The following CNTN4 variants were observed in gnomAD, a reference collection of about 807,000 sequenced individuals.
CNTN4 encodes the protein contactin 4.
Under a neutral mutation model 122.5 loss-of-function variants are expected in CNTN4, and 77 were observed. The ratio of observed to expected loss-of-function variants is 0.63; its 90% confidence interval spans 0.52 to 0.76. CNTN4 has a LOEUF of 0.76. Ranked by LOEUF, CNTN4 falls within the 30% of genes least tolerant of loss-of-function variation. The pLI is 0.00. For missense variants in CNTN4, 1,256 were observed against 1,259.1 expected (o/e 1.00, Z 0.04); for synonymous variants, 512 against 447.0 (o/e 1.15, Z -1.83).
intron 3 of CNTN4, among the ~76,000 whole-genome samples, chr3:2,457,795 C>T (rs779102970): frequency 1.3e-5 from 2 of 152,080 alleles, no homozygotes; most frequent in Non-Finnish European, 2.9e-5. Flanking sequence ...ATGTTTTAGC[C>T]CAATGCCCTT....
At chr3:2,201,950 C>T (rs1380149820) in intron 2 of CNTN4, among the ~76,000 whole-genome samples, 2 of 152,126 alleles carry the variant, frequency 1.3e-5, no homozygotes, top group South Asian at 2.1e-4. Flanking sequence ...AACTCGTCTA[C>T]ACTTCCCACA....
intron 2 of CNTN4, among the ~76,000 whole-genome samples, chr3:2,125,267 C>A (rs995030360): frequency 6.6e-6 from 1 of 151,456 alleles, no homozygotes; most frequent in Admixed American, 6.6e-5. Context: ...CTTCCAGGTA[C>A]ATGTATGTTG....
intron 14 of CNTN4, among the ~76,000 whole-genome samples, chr3:2,994,613 A>ATATATATATATATATATG (rs370506181): frequency 1.3e-4 from 19 of 142,216 alleles, no homozygotes; most frequent in Middle Eastern, 3.5e-3. Flanking sequence ...ATATATATAT[A>ATATATATATATATATATG]TGTGTGTATA....
At chr3:2,802,013 C>T (rs1277098916) in intron 6 of CNTN4, among the ~76,000 whole-genome samples, 1 of 152,316 alleles carries the variant, frequency 6.6e-6, no homozygotes, top group African/African-American at 2.4e-5. Flanking sequence ...CATTATTGGT[C>T]TAGTTGCTGC....
At chr3:2,280,469 CA>C (rs2041675544) in intron 2 of CNTN4, among the ~76,000 whole-genome samples, 1 of 152,082 alleles carries the variant, frequency 6.6e-6, no homozygotes. Context: ...TCTGAGGATA[CA>C]AATGAAGAGT....
intron 4 of CNTN4, among the ~76,000 whole-genome samples, chr3:2,705,140 A>G (rs1163837676): frequency 6.6e-6 from 1 of 151,390 alleles, no homozygotes; most frequent in Non-Finnish European, 1.5e-5. Context: ...AGGCCGAGGC[A>G]GGCGGATCAC....
At chr3:2,343,920 A>C (rs903939104) in intron 3 of CNTN4, among the ~76,000 whole-genome samples, 2 of 152,180 alleles carry the variant, frequency 1.3e-5, no homozygotes, top group Non-Finnish European at 2.9e-5. Flanking sequence ...ACTTACAATT[A>C]TGACAGAGGG....
chr3:2,764,104 A>G (rs1404337272), intron 6 of CNTN4, among the ~76,000 whole-genome samples: 1 of 152,134 alleles, frequency 6.6e-6, no homozygotes, highest in Non-Finnish European at 1.5e-5. Flanking sequence ...ATCCATTCAG[A>G]TATTTTTCTG....
At chr3:3,028,452 G>C (rs987812637) in intron 15 of CNTN4, among the ~76,000 whole-genome samples, 4 of 152,050 alleles carry the variant, frequency 2.6e-5, no homozygotes, top group Admixed American at 2.0e-4. Context: ...CACAAATCCA[G>C]TCAAAATGTG....
intron 3 of CNTN4, among the ~76,000 whole-genome samples, chr3:2,387,027 T>C (rs1379098154): frequency 1.3e-5 from 2 of 152,190 alleles, no homozygotes; most frequent in Admixed American, 1.3e-4. Flanking sequence ...AGTTAGAGTT[T>C]TGAACTTGCT....
In CNTN4 at chr3:2,434,327, T is replaced by C. The variant is rs182215174; in HGVS notation, c.-89+95094T>C. ...TTAAAAGAATTGAACAAATAAAATGTAAAAATATATCTGTTTAAAAACAAA... is the reference window on the plus strand; with the variant it reads ...TTAAAAGAATTGAACAAATAAAATGCAAAAATATATCTGTTTAAAAACAAA... On this transcript the variant is annotated intron_variant, in intron 3 of 24. Transcript: ENST00000418658. 1.2e-4 allele frequency among the ~76,000 whole-genome samples: 18 copies of C among 152,164 alleles called. No individual in the cohort carries two copies. The East Asian group carries it at 3.1e-3, about 26-fold the overall frequency.
At chr3:2,843,297 A>C (rs992943331) in intron 7 of CNTN4, among the ~76,000 whole-genome samples, 2 of 151,944 alleles carry the variant, frequency 1.3e-5, no homozygotes, top group African/African-American at 4.8e-5. Flanking sequence ...GCAAATCCTG[A>C]CCACTGTGCC....
In CNTN4 at chr3:3,057,437, C is replaced by A. The variant is rs1414718707; in HGVS notation, c.*1217C>A. 1 of 152,528 alleles carries A rather than the reference C, an allele frequency of 6.6e-6. No individual in the cohort carries two copies. Among genetic ancestry groups the A allele is most frequent in the Non-Finnish European group, 1.5e-5 (1 of 68,008 alleles). The allele number at this position is 152,528 out of a possible 1,614,324, so 9.4% of individuals were successfully genotyped here. On this transcript the variant is annotated 3_prime_UTR_variant, in exon 25 of 25. Coordinates refer to ENST00000418658, the MANE Select transcript of CNTN4 (RefSeq NM_175607.3). ...CTTAAAATCACACATTGGAAAATGA[C>A]AATATCAACAAAACTGTATTCTTAT...
At chr3:2,599,870 A>C (rs906495243) in intron 4 of CNTN4, among the ~76,000 whole-genome samples, 6 of 152,100 alleles carry the variant, frequency 3.9e-5, no homozygotes, top group African/African-American at 1.4e-4. Flanking sequence ...TGTTGCCTGA[A>C]GCTTGAGTTA....
At chr3:2,481,470 A>T (rs2076004645) in intron 3 of CNTN4, among the ~76,000 whole-genome samples, 1 of 152,146 alleles carries the variant, frequency 6.6e-6, no homozygotes, top group Non-Finnish European at 1.5e-5. Flanking sequence ...ATGGTCCTGG[A>T]ACAACTGAAC....
rs1490354367 is a variant in CNTN4 at position 2,140,069 on chromosome 3, C to G, written c.-145+39430C>G. 3.9e-5 allele frequency among the ~76,000 whole-genome samples: 6 copies of G among 152,314 alleles called. No individual in the cohort carries two copies. In the South Asian group the frequency reaches 6.2e-4, roughly 16 times the overall value. ...CTTTATAAAGAGGAGTTCCCCTGCA[C>G]AAGCCCTCTTGCCTGCCGCCATGTA... On this transcript the variant is annotated intron_variant, in intron 2 of 24. Coordinates refer to ENST00000418658, the MANE Select transcript of CNTN4 (RefSeq NM_175607.3).
intron 2 of CNTN4, among the ~76,000 whole-genome samples, chr3:2,239,755 A>G (rs1189638532): frequency 6.6e-6 from 1 of 152,234 alleles, no homozygotes; most frequent in Non-Finnish European, 1.5e-5. Context: ...ATTCATTTAT[A>G]GGGATAAGAC....
At chr3:2,597,788 G>A (rs371493173) in intron 4 of CNTN4, among the ~76,000 whole-genome samples, 82 of 152,218 alleles carry the variant, frequency 5.4e-4, no homozygotes, top group Middle Eastern at 6.8e-3. Context: ...ACCTGACAGC[G>A]TTCTCACTAG....
chr3:2,364,705 A>G (rs17013263), intron 3 of CNTN4, among the ~76,000 whole-genome samples: 7,384 of 152,208 alleles, frequency 0.049, 668 homozygotes, highest in East Asian at 0.45. Flanking sequence ...GAAAAAAATT[A>G]TATCAAATGT....
Sources: allele counts gnomAD v4.1 joint callset (sites outside exome capture counted in the v4.1 genomes callset), GRCh38; gene constraint gnomAD v4.1.1; transcripts MANE v1.5; gene names NCBI Gene and HGNC (gene_info 2026-07-23, HGNC 2026-07-21).